The following SLC23A2 variants were observed in gnomAD, a reference collection of about 807,000 sequenced individuals.
The protein encoded by SLC23A2 is solute carrier family 23 member 2.
In SLC23A2, 36 loss-of-function variants were observed where a neutral mutation model predicts 73.3. That is an observed-to-expected ratio of 0.49 (90% CI 0.38 to 0.65). The LOEUF is 0.65. Among genes scored for constraint, SLC23A2 ranks in the 30% least tolerant of loss-of-function variants. The probability of loss-of-function intolerance (pLI) is 0.00; values close to 1 mark genes in which losing one functional copy is unlikely to be tolerated. For synonymous variants in SLC23A2, 343 were observed against 327.3 expected (o/e 1.05, Z -0.52); for missense variants, 507 against 841.6 (o/e 0.60, Z 4.92).
chr20:4,932,545 C>T lies in SLC23A2; in HGVS notation c.18G>A (p.Lys6=), dbSNP rs1932801276. Residue 6 remains lysine (K), a synonymous_variant, in exon 3 of 17, where the codon AAG becomes AAA. Transcript: ENST00000338244. The part of the protein sequence containing the change: MMGIG[K]NTTSKSMEAG... The stretch of plus-strand genomic sequence containing the variant: ...CCTCCATTGATTTGGATGTGGTATT[C>T]TTACCAATACCCATCATTAAGAGAA... The T allele has an allele frequency of 3.2e-6, 5 of 1,581,676 alleles. No individual in the cohort carries two copies. The highest frequency in any genetic ancestry group is 4.3e-6 in the Non-Finnish European group (5 of 1,150,324).
chr20:5,003,730 A>G (rs1280901459), upstream of SLC23A2, among the ~76,000 whole-genome samples: 2 of 151,802 alleles, frequency 1.3e-5, no homozygotes, highest in Admixed American at 1.3e-4. Context: ...CCATAGTCCC[A>G]GTCTGCCCAG....
At chr20:4,985,432 C>G (rs2087808282) in intron 1 of SLC23A2, among the ~76,000 whole-genome samples, 1 of 151,460 alleles carries the variant, frequency 6.6e-6, no homozygotes, top group South Asian at 2.1e-4. Context: ...AGTGAAAAAG[C>G]CTATCACAAA....
chr20:4,997,790 ATTT>A (rs979689415), intron 1 of SLC23A2, among the ~76,000 whole-genome samples: 80 of 117,548 alleles, frequency 6.8e-4, no homozygotes, highest in African/African-American at 2.2e-3. Flanking sequence ...CGTCCAGCGA[ATTT>A]TTTATTTTAT....
chr20:4,857,619 C>T lies in SLC23A2; in HGVS notation c.1721-415G>A, dbSNP rs1459971069. 1.3e-5 allele frequency among the ~76,000 whole-genome samples: 2 copies of T among 152,088 alleles called. No individual in the cohort carries two copies. Among genetic ancestry groups the T allele is most frequent in the East Asian group, 1.9e-4 (1 of 5,192 alleles). On this transcript the variant is annotated intron_variant, in intron 16 of 16. Coordinates refer to ENST00000338244, the MANE Select transcript of SLC23A2 (RefSeq NM_005116.6). This position sits in a 1 kb window ranked among gnomAD's most constrained non-coding sequence, Gnocchi z 4.0. ...TAGTCTTCTGGCTCATCACCTCCTG[C>T]CCCAGGTCTGCTCAAAAACTACCTC... is the stretch of plus-strand genomic sequence containing the variant.
intron 1 of SLC23A2, among the ~76,000 whole-genome samples, chr20:4,984,426 C>T (rs1185765040): frequency 4.6e-5 from 7 of 151,830 alleles, no homozygotes; most frequent in East Asian, 1.9e-4. Context: ...TGGTGGTGGG[C>T]GCCTGTAGTC....
intron 2 of SLC23A2, among the ~76,000 whole-genome samples, chr20:4,932,937 C>G (rs1932805384): frequency 1.3e-5 from 2 of 152,062 alleles, no homozygotes; most frequent in African/African-American, 4.8e-5. Context: ...ACCACTAAAC[C>G]AAACTATCAA....
rs574379772 is a variant in SLC23A2 at position 4,868,072 on chromosome 20, A to ATTT, written c.1251-200_1251-198dup. On this transcript the variant is annotated intron_variant, in intron 12 of 16. Coordinates refer to ENST00000338244, the MANE Select transcript of SLC23A2 (RefSeq NM_005116.6). This position sits in a 1 kb window ranked among gnomAD's most constrained non-coding sequence, Gnocchi z 4.4. ...CCTGCTGAAGCAGAAAAGAATCTGC[A>ATTT]TTTTTTTTTTTTTTTTTTTTTTTTT... 6.4e-5 allele frequency among the ~76,000 whole-genome samples: 6 copies of ATTT among 94,418 alleles called. No individual in the cohort carries two copies. The highest frequency in any genetic ancestry group is 1.2e-4 in the Admixed American group (1 of 8,300). The allele number at this position is 94,418 out of a possible 152,430, so 61.9% of individuals were successfully genotyped here.
intron 16 of SLC23A2, among the ~76,000 whole-genome samples, chr20:4,858,453 T>C (rs1929823701): frequency 1.3e-5 from 2 of 152,216 alleles, no homozygotes; most frequent in South Asian, 4.1e-4. Context: ...TATGGACTCT[T>C]AAATCCAGTG....
chr20:4,975,246 T>C (rs959598018), intron 1 of SLC23A2, among the ~76,000 whole-genome samples: 3 of 152,170 alleles, frequency 2.0e-5, no homozygotes, highest in Admixed American at 6.5e-5. Context: ...CAATTCCTTC[T>C]GGGAATGCAG....
chr20:4,896,306 C>T (rs1454112995), intron 6 of SLC23A2, among the ~76,000 whole-genome samples: 3 of 152,188 alleles, frequency 2.0e-5, no homozygotes, highest in Non-Finnish European at 4.4e-5. Flanking sequence ...CAGACAGGGT[C>T]TGAGGCCGTG....
rs772888801 is a variant in SLC23A2, at chr20:4,867,879, A to G, written c.1251-4T>C. 2.0e-6 allele frequency: 3 copies of G among 1,532,632 alleles called. No individual in the cohort carries two copies. The South Asian group carries it at 3.4e-5, about 17-fold the overall frequency. The allele number at this position is 1,532,632 out of a possible 1,614,324, so 94.9% of individuals were successfully genotyped here. ...GAGGCCTTCCACGAAAATTCCCCTAAGATGTAAAGGAATGGAGGAAAGAAA... is the reference window on the plus strand; with the variant it reads ...GAGGCCTTCCACGAAAATTCCCCTAGGATGTAAAGGAATGGAGGAAAGAAA... On this transcript the variant is annotated splice_polypyrimidine_tract_variant and splice_region_variant and intron_variant, in intron 12 of 16. Coordinates refer to ENST00000338244, the MANE Select transcript of SLC23A2 (RefSeq NM_005116.6).
intron 3 of SLC23A2, among the ~76,000 whole-genome samples, chr20:4,927,140 G>C (rs1397088106): frequency 6.6e-6 from 1 of 152,060 alleles, no homozygotes; most frequent in Non-Finnish European, 1.5e-5. Context: ...TGTGGCTATG[G>C]AGTACTTGAC....
Position 4,915,988 on chromosome 20 carries a change from C to A in SLC23A2, c.109-3010G>T, listed in dbSNP as rs187018770. 4.7e-4 allele frequency among the ~76,000 whole-genome samples: 72 copies of A among 152,142 alleles called. No homozygotes were observed. In the South Asian group the frequency reaches 0.014, roughly 30 times the overall value. On this transcript the variant is annotated intron_variant, in intron 3 of 16. Transcript: ENST00000338244. ...AAATAAAATAAAAATAAAAACTATG[C>A]CAGAGATCTCAATTAATTAGTACAT...
Position 4,857,319 on chromosome 20 carries a change from C to T in SLC23A2, c.1721-115G>A, listed in dbSNP as rs1929761477. ...ACACACACACACACACACACACACA[C>T]ACACACACACACACACATGGTCCCA... On this transcript the variant is annotated intron_variant, in intron 16 of 16. Transcript: ENST00000338244. This position sits in a 1 kb window ranked among gnomAD's most constrained non-coding sequence, Gnocchi z 4.0. The T allele has an allele frequency of 1.8e-6, 1 of 544,972 alleles. No individual in the cohort carries two copies. Among genetic ancestry groups the T allele is most frequent in the Non-Finnish European group, 3.2e-6 (1 of 312,354 alleles). The allele number at this position is 544,972 out of a possible 1,614,324, so 33.8% of individuals were successfully genotyped here.
intron 2 of SLC23A2, among the ~76,000 whole-genome samples, chr20:4,964,850 G>GTT (rs2087449227): frequency 1.0e-5 from 1 of 99,688 alleles, no homozygotes; most frequent in Non-Finnish European, 2.1e-5. Context: ...AAAAAAAGAA[G>GTT]AAAAGAAAAA....
chr20:4,982,759 C>T (rs915310564), intron 1 of SLC23A2, among the ~76,000 whole-genome samples: 1 of 152,128 alleles, frequency 6.6e-6, no homozygotes, highest in Admixed American at 6.6e-5. Flanking sequence ...ATCAGGACAA[C>T]GTAATGGGGG....
At position 4,963,512 on chromosome 20, in the gene SLC23A2, G is replaced by T. The variant is rs546926281; in HGVS notation, c.-155+7281C>A. Among the ~76,000 whole-genome samples the T allele has an allele frequency of 2.9e-3, 437 of 151,022 alleles. 2 individuals carry two copies. The highest frequency in any genetic ancestry group is 3.0e-3 in the Non-Finnish European group (201 of 67,840). On this transcript the variant is annotated intron_variant, in intron 2 of 16. Transcript: ENST00000338244. ...AATATGATTCTCTGTGTTGCCAATAGGAATATGACCATATGTAAGCTTTCT... is the reference window on the plus strand; with the variant it reads ...AATATGATTCTCTGTGTTGCCAATATGAATATGACCATATGTAAGCTTTCT...
intron 3 of SLC23A2, among the ~76,000 whole-genome samples, chr20:4,916,742 T>C (rs776773072): frequency 6.6e-6 from 1 of 152,204 alleles, no homozygotes; most frequent in Non-Finnish European, 1.5e-5. Flanking sequence ...ATGTATTCCG[T>C]AGAAACTGTC....
intron 3 of SLC23A2, among the ~76,000 whole-genome samples, chr20:4,915,809 G>A (rs1177277451): frequency 2.2e-4 from 33 of 152,174 alleles, no homozygotes; most frequent in East Asian, 3.9e-4. Flanking sequence ...TTAGCTGGGC[G>A]TGGTGATGGG....
Sources: allele counts gnomAD v4.1 joint callset (sites outside exome capture counted in the v4.1 genomes callset), GRCh38; gene constraint gnomAD v4.1.1; non-coding constraint Gnocchi (gnomAD v3.1); transcripts MANE v1.5; gene names NCBI Gene and HGNC (gene_info 2026-07-23, HGNC 2026-07-21).